RNASEH2B: variants seen among roughly 807,000 people sequenced by gnomAD.
The protein encoded by RNASEH2B is Aicardi-Goutieres syndrome 2 protein.
RNASEH2B carries 36 observed loss-of-function variants against 45.0 expected under a neutral mutation model. That is an observed-to-expected ratio of 0.80 (90% CI 0.61 to 1.06). The LOEUF (loss-of-function observed/expected upper bound fraction) is 1.06, where lower values mean the gene tolerates loss of function less well. Ranked by LOEUF, RNASEH2B falls within the 50% of genes least tolerant of loss-of-function variation. The pLI is 0.00. For synonymous variants in RNASEH2B, 119 were observed against 125.7 expected (o/e 0.95, Z 0.35); for missense variants, 361 against 360.3 (o/e 1.00, Z -0.02).
chr13:50,947,623 T>G (rs1421685396), intron 7 of RNASEH2B, among the ~76,000 whole-genome samples: 1 of 152,120 alleles, frequency 6.6e-6, no homozygotes, highest in African/African-American at 2.4e-5. Flanking sequence ...AAAAAAGACA[T>G]GACTATTTCA....
rs774950202 is a variant in RNASEH2B at position 50,948,067 on chromosome 13, A to C, written c.697A>C (p.Lys233Gln). 115 of 1,610,892 alleles carry C rather than the reference A, an allele frequency of 7.1e-5. No homozygotes were observed. The highest frequency in any genetic ancestry group is 1.7e-4 in the Middle Eastern group (1 of 6,002). The change falls in exon 8 of 11, where the codon AAG (lysine) becomes CAG (glutamine). Residue 233 changes from lysine to glutamine, a missense_variant and splice_region_variant. Coordinates refer to ENST00000336617, the MANE Select transcript of RNASEH2B (RefSeq NM_024570.4). ...ELSDDLSKYL[K>Q]LPEPSASLPN... Reference sequence around the variant, plus strand: ...AAGTGATGACTTATCTAAATACTTAAAGTGAGTATTGATTATCTTCAGTCA... The same window carrying C: ...AAGTGATGACTTATCTAAATACTTACAGTGAGTATTGATTATCTTCAGTCA...
downstream of RNASEH2B, among the ~76,000 whole-genome samples, chr13:50,957,196 C>T (rs1387607760): frequency 6.6e-6 from 1 of 151,720 alleles, no homozygotes; most frequent in African/African-American, 2.4e-5. Context: ...GAACCTGTCA[C>T]CCAGGTAGTG....
At chr13:50,954,379 A>G (rs1201715237) in intron 10 of RNASEH2B, 1 of 378,094 alleles carries the variant, frequency 2.6e-6, no homozygotes, top group Non-Finnish European at 4.7e-6. Context: ...GCATTTTGGT[A>G]ACAGTCCTTA....
intron 10 of RNASEH2B, 110 bp downstream of exon 10, chr13:50,954,095 G>A: frequency 1.3e-6 from 1 of 743,838 alleles, no homozygotes; most frequent in South Asian, 1.5e-5. Flanking sequence ...TGACCAGGAA[G>A]AATTATTAAC....
At position 50,929,667 on chromosome 13, in the gene RNASEH2B, A is replaced by G. The variant is rs969106437; in HGVS notation, c.244+85A>G. On this transcript the variant is annotated intron_variant, in intron 3 of 10. Transcript: ENST00000336617. The stretch of plus-strand genomic sequence containing the variant: ...TCACACGTGGGGTTGTGGGTCTGTC[A>G]CCGGGTTTGGAGTCTGGTCACTGGT... 8 of 876,944 alleles carry G rather than the reference A, an allele frequency of 9.1e-6. No individual in the cohort carries two copies. The Admixed American group carries it at 9.8e-5, about 11-fold the overall frequency. The allele number at this position is 876,944 out of a possible 1,614,324, so 54.3% of individuals were successfully genotyped here. A position where few individuals can be genotyped will look rare whatever the true frequency, so the allele number is the denominator to read the frequency against.
chr13:50,944,247 A>G (rs1194825062), intron 6 of RNASEH2B, among the ~76,000 whole-genome samples: 1 of 152,230 alleles, frequency 6.6e-6, no homozygotes, highest in East Asian at 1.9e-4. Context: ...ACATTGATTA[A>G]GAATCTCGCT....
intron 4 of RNASEH2B, among the ~76,000 whole-genome samples, chr13:50,933,634 G>T (rs1359026117): frequency 1.3e-5 from 2 of 151,958 alleles, no homozygotes; most frequent in Non-Finnish European, 2.9e-5. Flanking sequence ...TATAGTCAAG[G>T]CAGGTTGCTT....
At chr13:50,969,791 A>C (rs1952202992) in intron 9 of RNASEH2B, 2 of 739,598 alleles carry the variant, frequency 2.7e-6, no homozygotes, top group South Asian at 3.6e-5. Flanking sequence ...GTCATCTCTT[A>C]GAAGCGAAAA....
chr13:50,927,728 A>T (rs532428949), intron 2 of RNASEH2B, among the ~76,000 whole-genome samples: 14 of 152,324 alleles, frequency 9.2e-5, no homozygotes, highest in African/African-American at 3.4e-4. Flanking sequence ...CGGGCAAAAC[A>T]AAAAAGTAGC....
rs201814710 is a variant in RNASEH2B at position 50,929,456 on chromosome 13, G to C, written c.137-19G>C. ...TGTGTGTGAAAACTTACAAATAAAAGACAGATTTGTCTTAACAGGAGAAGG... is the reference window on the plus strand; with the variant it reads ...TGTGTGTGAAAACTTACAAATAAAACACAGATTTGTCTTAACAGGAGAAGG... On this transcript the variant is annotated intron_variant, in intron 2 of 10. Transcript: ENST00000336617. 37 of 1,522,492 alleles carry C rather than the reference G, an allele frequency of 2.4e-5. No individual in the cohort carries two copies. The East Asian group carries it at 3.8e-4, about 16-fold the overall frequency. 94.3% of individuals were successfully genotyped at this position (1,522,492 alleles called of 1,614,324 possible). A position where few individuals can be genotyped will look rare whatever the true frequency, so the allele number is the denominator to read the frequency against.
At chr13:50,955,582 AC>A (rs1344920737) in intron 10 of RNASEH2B, 1 of 152,246 alleles carries the variant, frequency 6.6e-6, no homozygotes, top group African/African-American at 2.4e-5. Flanking sequence ...GGAATCATAT[AC>A]TGTGCCTCTA....
At chr13:50,934,298 C>A in intron 4 of RNASEH2B, 1 of 154,878 alleles carries the variant, frequency 6.5e-6, no homozygotes, top group South Asian at 2.0e-4. Flanking sequence ...CTGATTTAGC[C>A]TGTCTGCAGC....
chr13:50,929,598 A>T lies in RNASEH2B; in HGVS notation c.244+16A>T. On this transcript the variant is annotated intron_variant, in intron 3 of 10. Coordinates refer to ENST00000336617, the MANE Select transcript of RNASEH2B (RefSeq NM_024570.4). ...GTTCAATCAGGTAGGTGACTAGTGT[A>T]AGCATTTCCAATAACTAAACACATA... 1 of 1,450,900 alleles carries T rather than the reference A, an allele frequency of 6.9e-7. No homozygotes were observed. The highest frequency in any genetic ancestry group is 9.7e-7 in the Non-Finnish European group (1 of 1,031,712). 89.9% of individuals were successfully genotyped at this position (1,450,900 alleles called of 1,614,324 possible).
intron 9 of RNASEH2B, among the ~76,000 whole-genome samples, chr13:50,962,709 C>G (rs1282070067): frequency 6.6e-6 from 1 of 152,112 alleles, no homozygotes; most frequent in East Asian, 1.9e-4. Context: ...TATATTTCTT[C>G]TCCTTTACAT....
chr13:50,970,062 C>A, exon 10 of RNASEH2B: 1 of 1,169,290 alleles, frequency 8.6e-7, no homozygotes, highest in Non-Finnish European at 1.2e-6. Flanking sequence ...TGGAAAATCG[C>A]CAGGTGCCAA....
At chr13:50,912,788 G>A (rs1879500722) in intron 1 of RNASEH2B, 1 of 152,186 alleles carries the variant, frequency 6.6e-6, no homozygotes, top group African/African-American at 2.4e-5. Flanking sequence ...AACTTACTTT[G>A]TGTACTGAAA....
chr13:50,939,842 C>T (rs902990761), intron 5 of RNASEH2B, among the ~76,000 whole-genome samples: 1 of 152,046 alleles, frequency 6.6e-6, no homozygotes, highest in African/African-American at 2.4e-5. Context: ...GGATAAAATC[C>T]TTGTTGTCTT....
intron 9 of RNASEH2B, chr13:50,953,648 C>A: frequency 1.9e-6 from 1 of 517,732 alleles, no homozygotes; most frequent in South Asian, 2.4e-5. Flanking sequence ...TTTGCTGGAC[C>A]AGCTAAGGGG....
chr13:50,910,029 T>C lies in RNASEH2B; in HGVS notation c.-48T>C. ...GCCATTTTCGGCGGGGCTGGGAGAC[T>C]GAGGCCCGCGGCGCTGAGCCTGCGG... is the stretch of plus-strand genomic sequence containing the variant. On this transcript the variant is annotated 5_prime_UTR_variant, in exon 1 of 11. Transcript: ENST00000336617. 1 of 1,444,464 alleles carries C rather than the reference T, an allele frequency of 6.9e-7. No homozygotes were observed. The highest frequency in any genetic ancestry group is 1.3e-5 in the South Asian group (1 of 75,934). 89.5% of individuals were successfully genotyped at this position (1,444,464 alleles called of 1,614,324 possible). A position where few individuals can be genotyped will look rare whatever the true frequency, so the allele number is the denominator to read the frequency against.
Sources: allele counts gnomAD v4.1 joint callset (sites outside exome capture counted in the v4.1 genomes callset), GRCh38; gene constraint gnomAD v4.1.1; transcripts MANE v1.5; gene names NCBI Gene and HGNC (gene_info 2026-07-23, HGNC 2026-07-21).